The following SLC26A7 variants were observed in gnomAD, a reference collection of about 807,000 sequenced individuals.
SLC26A7 encodes the protein solute carrier family 26 member 7.
SLC26A7 carries 59 observed loss-of-function variants against 82.5 expected under a neutral mutation model. That is an observed-to-expected ratio of 0.72 (90% CI 0.58 to 0.89). The LOEUF (loss-of-function observed/expected upper bound fraction) is 0.89, where lower values mean the gene tolerates loss of function less well. Ranked by LOEUF, SLC26A7 falls within the 40% of genes least tolerant of loss-of-function variation. The probability of loss-of-function intolerance (pLI) is 0.00; values close to 1 mark genes in which losing one functional copy is unlikely to be tolerated. For missense variants in SLC26A7, 820 were observed against 793.0 expected, an observed-to-expected ratio of 1.03 and a Z score of -0.41; for synonymous variants, 271 against 274.3, an observed-to-expected ratio of 0.99 and a Z score of 0.12.
chr8:91,265,647 T>C (rs1189984989), intron 2 of SLC26A7, among the ~76,000 whole-genome samples: 1 of 152,080 alleles, frequency 6.6e-6, no homozygotes, highest in Non-Finnish European at 1.5e-5. Flanking sequence ...AAATCACTGA[T>C]GTTGAGCATT....
chr8:91,220,102 G>T (rs1810133833), intron 2 of SLC26A7, among the ~76,000 whole-genome samples: 1 of 152,038 alleles, frequency 6.6e-6, no homozygotes, highest in African/African-American at 2.4e-5. Context: ...GAAATCAATG[G>T]AGCACAGCAA....
At chr8:91,352,834 T>A in intron 10 of SLC26A7, 67 bp from the exon 11 acceptor site, 2 of 1,253,524 alleles carry the variant, frequency 1.6e-6, no homozygotes, top group Non-Finnish European at 2.3e-6. Context: ...TAAAAATACC[T>A]TAGCCCTTTT....
At position 91,225,643 on chromosome 8, in the gene SLC26A7, G is replaced by GTT. The variant is rs55732709; in HGVS notation, c.-34+6669_-34+6670dup. Among the ~76,000 whole-genome samples, 235 of 36,126 alleles carry GTT rather than the reference G, an allele frequency of 6.5e-3. 30 individuals are homozygous for GTT. Among genetic ancestry groups the GTT allele is most frequent in the African/African-American group, 0.023 (186 of 8,180 alleles). 23.7% of individuals were successfully genotyped at this position (36,126 alleles called of 152,430 possible). ...TCTTGGCCCTGCCCCCTAGAAAAGT[G>GTT]TTTTTTTTTTTTTTTTTTTTTTTTT... On this transcript the variant is annotated intron_variant, in intron 2 of 5. Coordinates refer to the SLC26A7 transcript ENST00000522862.
chr8:91,342,611 G>T (rs960518652), intron 8 of SLC26A7, among the ~76,000 whole-genome samples: 1 of 152,162 alleles, frequency 6.6e-6, no homozygotes, highest in Non-Finnish European at 1.5e-5. Flanking sequence ...ACTTCAAATA[G>T]GGAAGAACAT....
At chr8:91,245,912 G>A (rs1297316903), upstream of SLC26A7, among the ~76,000 whole-genome samples, 1 of 152,252 alleles carries the variant, frequency 6.6e-6, no homozygotes, top group South Asian at 2.1e-4. Context: ...ACCCATGAGG[G>A]TGTCTGTCTA....
upstream of SLC26A7, among the ~76,000 whole-genome samples, chr8:91,244,854 T>A (rs1810522800): frequency 6.6e-6 from 1 of 152,104 alleles, no homozygotes; most frequent in South Asian, 2.1e-4. Flanking sequence ...TGATTTATAT[T>A]CTTTTGGCTC....
At chr8:91,356,074 C>A (rs1268820069) in intron 11 of SLC26A7, among the ~76,000 whole-genome samples, 1 of 152,160 alleles carries the variant, frequency 6.6e-6, no homozygotes, top group Non-Finnish European at 1.5e-5. Context: ...TTTTTTATGG[C>A]TGCATAGTAT....
chr8:91,236,344 A>G (rs1176851481), intron 2 of SLC26A7, among the ~76,000 whole-genome samples: 1 of 152,204 alleles, frequency 6.6e-6, no homozygotes, highest in Non-Finnish European at 1.5e-5. Context: ...AGTTAGGAGA[A>G]GGTCTGGGAA....
intron 4 of SLC26A7, among the ~76,000 whole-genome samples, chr8:91,315,074 T>C (rs559023788): frequency 7.9e-5 from 12 of 152,196 alleles, no homozygotes; most frequent in African/African-American, 2.4e-4. Context: ...ACCCTCTCAG[T>C]AGGCACTGGA....
intron 16 of SLC26A7, among the ~76,000 whole-genome samples, chr8:91,391,920 A>G (rs1298275689): frequency 6.6e-6 from 1 of 152,052 alleles, no homozygotes; most frequent in Admixed American, 6.5e-5. Flanking sequence ...TACAAACAGG[A>G]CTTAGGGTTA....
intron 1 of SLC26A7, among the ~76,000 whole-genome samples, chr8:91,211,134 A>G (rs985455454): frequency 7.9e-5 from 12 of 152,180 alleles, no homozygotes; most frequent in African/African-American, 2.9e-4. Context: ...ATGTAGACTT[A>G]TATGTGTAGA....
chr8:91,251,633 A>G (rs1349203322), intron 2 of SLC26A7, among the ~76,000 whole-genome samples: 1 of 152,004 alleles, frequency 6.6e-6, no homozygotes, highest in African/African-American at 2.4e-5. Context: ...TACATACATT[A>G]TCTCCCCCTA....
In SLC26A7 at chr8:91,352,906, C is replaced by T. The variant is rs1226384156; in HGVS notation, c.1224C>T (p.Val408=). Residue 408 remains valine, a synonymous_variant, in exon 11 of 19, where the codon GTC becomes GTT. Coordinates refer to ENST00000276609, the MANE Select transcript of SLC26A7 (RefSeq NM_052832.4). ...AACTTACGTTTTATTTCTAGTGTGTCCTTGCAAGCATTATTGTTGTGGGAC... is the reference window on the plus strand; with the variant it reads ...AACTTACGTTTTATTTCTAGTGTGTTCTTGCAAGCATTATTGTTGTGGGAC... ...GPLLYWLPMC[V]LASIIVVGLK... is the part of the protein sequence containing the mutation. 2 of 1,598,608 alleles carry T rather than the reference C, an allele frequency of 1.3e-6. No individual in the cohort carries two copies. The highest frequency in any genetic ancestry group is 3.5e-5 in the Admixed American group (2 of 57,046).
At chr8:91,365,419 GT>G (rs1814166337) in intron 13 of SLC26A7, among the ~76,000 whole-genome samples, 1 of 152,228 alleles carries the variant, frequency 6.6e-6, no homozygotes, top group South Asian at 2.1e-4. Context: ...CAGGCCATGG[GT>G]TGGACAAGTT....
At chr8:91,225,887 G>GTGACT (rs1810232005) in intron 2 of SLC26A7, among the ~76,000 whole-genome samples, 1 of 151,998 alleles carries the variant, frequency 6.6e-6, no homozygotes, top group Non-Finnish European at 1.5e-5. Context: ...GAGGTCATCA[G>GTGACT]TGACTTACTC....
intron 2 of SLC26A7, among the ~76,000 whole-genome samples, chr8:91,238,388 GA>G (rs1810420467): frequency 1.3e-5 from 2 of 151,890 alleles, no homozygotes; most frequent in South Asian, 4.1e-4. Flanking sequence ...GGTGGGATAT[GA>G]AAATAACTTT....
intron 4 of SLC26A7, among the ~76,000 whole-genome samples, chr8:91,311,649 G>A (rs1007749036): frequency 6.6e-6 from 1 of 152,072 alleles, no homozygotes; most frequent in African/African-American, 2.4e-5. Flanking sequence ...TTTTGCCAAG[G>A]TTAAGGACAT....
chr8:91,219,073 C>A, intron 2 of SLC26A7: 2 of 672,324 alleles, frequency 3.0e-6, no homozygotes, highest in South Asian at 2.5e-5. Flanking sequence ...TTATGCCCTA[C>A]TTAAGATACC....
intron 15 of SLC26A7, among the ~76,000 whole-genome samples, chr8:91,370,494 CACCCAAAACAA>C (rs1814326958): frequency 2.0e-5 from 3 of 151,980 alleles, no homozygotes; most frequent in Admixed American, 2.0e-4. Flanking sequence ...TTTGGATCTC[CACCCAAAACAA>C]ACTAGCACTT....
Sources: allele counts gnomAD v4.1 joint callset (sites outside exome capture counted in the v4.1 genomes callset), GRCh38; gene constraint gnomAD v4.1.1; transcripts MANE v1.5; gene names NCBI Gene and HGNC (gene_info 2026-07-23, HGNC 2026-07-21).